Variants in NRG3 observed in about 807,000 individuals in gnomAD.
The protein encoded by NRG3 is pro-neuregulin-3, membrane-bound isoform.
A neutral mutation model predicts 66.9 loss-of-function variants in NRG3; 31 were observed. The ratio of observed to expected loss-of-function variants is 0.46; its 90% CI spans 0.35 to 0.63. The LOEUF (loss-of-function observed/expected upper bound fraction) is 0.63. Among genes scored for constraint, NRG3 ranks in the 20% least tolerant of loss-of-function variants. The pLI is 0.00. For missense variants in NRG3, 910 were observed against 878.9 expected, an observed-to-expected ratio of 1.04 and a Z score of -0.45; for synonymous variants, 393 against 359.4, an observed-to-expected ratio of 1.09 and a Z score of -1.06.
At chr10:81,895,850 C>T (rs904458428) in intron 1 of NRG3, among the ~76,000 whole-genome samples, 2 of 152,092 alleles carry the variant, frequency 1.3e-5, no homozygotes, top group Non-Finnish European at 2.9e-5. Flanking sequence ...GATATCAAAC[C>T]ATCTTATAAA....
chr10:82,712,052 A>C (rs571504818), intron 2 of NRG3, among the ~76,000 whole-genome samples: 1 of 152,298 alleles, frequency 6.6e-6, no homozygotes, highest in Non-Finnish European at 1.5e-5. Context: ...TCCTTCATGA[A>C]ATTTTATAAT....
intron 4 of NRG3, among the ~76,000 whole-genome samples, chr10:82,879,727 C>T (rs1256157248): frequency 2.0e-5 from 3 of 151,950 alleles, no homozygotes; most frequent in African/African-American, 2.4e-5. Flanking sequence ...CCGCCCTCCT[C>T]GGCCTCCCAA....
At chr10:82,754,387 C>T (rs2058995043) in intron 3 of NRG3, among the ~76,000 whole-genome samples, 1 of 151,804 alleles carries the variant, frequency 6.6e-6, no homozygotes, top group South Asian at 2.1e-4. Flanking sequence ...GTTTTATGAA[C>T]TCATTTCTGT....
At chr10:82,468,920 G>A (rs563848612) in intron 2 of NRG3, among the ~76,000 whole-genome samples, 1 of 151,986 alleles carries the variant, frequency 6.6e-6, no homozygotes, top group East Asian at 1.9e-4. Context: ...AGTGACAATG[G>A]GAGAAAAAAA....
intron 2 of NRG3, among the ~76,000 whole-genome samples, chr10:82,410,010 G>A (rs2087930932): frequency 6.6e-6 from 1 of 152,124 alleles, no homozygotes; most frequent in South Asian, 2.1e-4. Flanking sequence ...GAGCCTGCAT[G>A]GTCTTCTGTG....
chr10:82,643,781 G>A (rs1441128119), intron 2 of NRG3, among the ~76,000 whole-genome samples: 1 of 151,778 alleles, frequency 6.6e-6, no homozygotes, highest in African/African-American at 2.4e-5. Context: ...GCATGTCCCT[G>A]GGCTAATCCT....
intron 2 of NRG3, among the ~76,000 whole-genome samples, chr10:82,643,903 C>CA (rs2050755406): frequency 5.0e-5 from 1 of 20,180 alleles, no homozygotes; most frequent in Non-Finnish European, 9.2e-5. Flanking sequence ...CACACACACA[C>CA]CCACACACAC....
chr10:82,807,659 T>C (rs1053723168), intron 3 of NRG3, among the ~76,000 whole-genome samples: 2 of 152,198 alleles, frequency 1.3e-5, no homozygotes, highest in African/African-American at 4.8e-5. Flanking sequence ...CAAAGCAAAC[T>C]GCTTCAGAAT....
chr10:82,247,857 C>T (rs1044464493), intron 1 of NRG3, among the ~76,000 whole-genome samples: 5 of 152,054 alleles, frequency 3.3e-5, no homozygotes, highest in African/African-American at 1.2e-4. Flanking sequence ...GTTTTCTCTT[C>T]CCTTCTATTT....
At chr10:82,076,367 C>G (rs2065091278) in intron 1 of NRG3, among the ~76,000 whole-genome samples, 1 of 152,190 alleles carries the variant, frequency 6.6e-6, no homozygotes, top group Non-Finnish European at 1.5e-5. Flanking sequence ...GTACATTTCA[C>G]TATGATTATT....
At chr10:82,260,271 A>G (rs76817201) in intron 1 of NRG3, among the ~76,000 whole-genome samples, 1 of 152,244 alleles carries the variant, frequency 6.6e-6, no homozygotes, top group Admixed American at 6.5e-5. Context: ...GGAACCTATA[A>G]TAGTGGTACA....
chr10:82,784,412 T>C (rs1171862352), intron 3 of NRG3, among the ~76,000 whole-genome samples: 2 of 151,436 alleles, frequency 1.3e-5, no homozygotes, highest in African/African-American at 4.9e-5. Context: ...ACCATCAGAG[T>C]GAACAGGCAA....
intron 3 of NRG3, among the ~76,000 whole-genome samples, chr10:82,852,993 T>C (rs1460209130): frequency 6.6e-6 from 1 of 152,208 alleles, no homozygotes; most frequent in Admixed American, 6.5e-5. Flanking sequence ...AAAATCTTTT[T>C]ATTGGTGTAG....
chr10:82,125,449 T>C (rs2068380661), intron 1 of NRG3, among the ~76,000 whole-genome samples: 1 of 152,082 alleles, frequency 6.6e-6, no homozygotes, highest in Non-Finnish European at 1.5e-5. Flanking sequence ...TCAACATAAA[T>C]CATGGCTGTA....
intron 1 of NRG3, among the ~76,000 whole-genome samples, chr10:81,890,857 G>A (rs1302232009): frequency 6.6e-6 from 1 of 152,186 alleles, no homozygotes; most frequent in Non-Finnish European, 1.5e-5. Flanking sequence ...TTTGGCCAGT[G>A]ATACTTTTAA....
intron 2 of NRG3, among the ~76,000 whole-genome samples, chr10:82,391,482 T>G (rs1359307154): frequency 6.6e-6 from 1 of 152,124 alleles, no homozygotes. Flanking sequence ...CTGTTGCAAC[T>G]TAGTGAAGCT....
chr10:82,630,234 G>A (rs897478898), intron 2 of NRG3, among the ~76,000 whole-genome samples: 5 of 152,038 alleles, frequency 3.3e-5, no homozygotes, highest in Admixed American at 1.3e-4. Flanking sequence ...AGAGTAAAAA[G>A]TCAGAGAAAA....
intron 1 of NRG3, among the ~76,000 whole-genome samples, chr10:82,264,015 A>G (rs180851453): frequency 6.6e-6 from 1 of 152,240 alleles, no homozygotes; most frequent in East Asian, 1.9e-4. Context: ...TTTCCTGGGC[A>G]TGTGGGTAAA....
intron 1 of NRG3, among the ~76,000 whole-genome samples, chr10:81,958,092 G>A (rs1850012699): frequency 6.6e-6 from 1 of 152,078 alleles, no homozygotes; most frequent in South Asian, 2.1e-4. Flanking sequence ...ACTACAGCAG[G>A]GAATTTTACA....
Sources: allele counts gnomAD v4.1 joint callset (sites outside exome capture counted in the v4.1 genomes callset), GRCh38; gene constraint gnomAD v4.1.1; transcripts MANE v1.5; gene names NCBI Gene and HGNC (gene_info 2026-07-23, HGNC 2026-07-21).